Variants in USP45 observed in about 807,000 individuals in gnomAD.
The protein encoded by USP45 is ubiquitin specific peptidase 45.
A neutral mutation model predicts 95.8 loss-of-function variants in USP45; 89 were observed. The ratio of observed to expected loss-of-function variants is 0.93; its 90% CI spans 0.78 to 1.11. The LOEUF (loss-of-function observed/expected upper bound fraction) is 1.11, where lower values mean the gene tolerates loss of function less well. Among genes scored for constraint, USP45 ranks in the 50% least tolerant of loss-of-function variants. The pLI, the probability that USP45 is intolerant of heterozygous loss-of-function variation, is 0.00. For missense variants in USP45, 898 were observed against 942.5 expected (o/e 0.95, Z 0.62); for synonymous variants, 281 against 316.2 (o/e 0.89, Z 1.18).
Position 99,433,249 on chromosome 6 carries a change from TTTTA to T in USP45, c.*2463_*2466del, listed in dbSNP as rs1167536099. Reference sequence around the variant, plus strand: ...TTGGCACATAATCAATATTTTATCATTTTATATTTGGAAAAAAACGGGAAGCTGG... The same window carrying T: ...TTGGCACATAATCAATATTTTATCATTATTTGGAAAAAAACGGGAAGCTGG... On this transcript the variant is annotated 3_prime_UTR_variant, in exon 18 of 18. Transcript: ENST00000500704. 1 of 152,662 alleles carries T rather than the reference TTTTA, an allele frequency of 6.6e-6. No homozygotes were observed. The highest frequency in any genetic ancestry group is 2.4e-5 in the African/African-American group (1 of 41,450). The allele number at this position is 152,662 out of a possible 1,614,324, so 9.5% of individuals were successfully genotyped here.
chr6:99,497,774 TCTTA>T (rs2128762523), intron 5 of USP45, among the ~76,000 whole-genome samples: 1 of 152,258 alleles, frequency 6.6e-6, no homozygotes, highest in East Asian at 1.9e-4. Context: ...AAATATCTGT[TCTTA>T]CTTACCTCAA....
chr6:99,478,389 C>T (rs1332082530), intron 8 of USP45, among the ~76,000 whole-genome samples: 1 of 151,854 alleles, frequency 6.6e-6, no homozygotes, highest in Non-Finnish European at 1.5e-5. Flanking sequence ...AAATATTCAG[C>T]CTATTCAAAA....
chr6:99,490,676 A>G (rs1794975116), intron 5 of USP45, among the ~76,000 whole-genome samples: 1 of 152,150 alleles, frequency 6.6e-6, no homozygotes, highest in South Asian at 2.1e-4. Flanking sequence ...AAACACATAA[A>G]AATCTGCAAG....
At chr6:99,457,896 C>T (rs1785443717) in intron 13 of USP45, among the ~76,000 whole-genome samples, 1 of 152,192 alleles carries the variant, frequency 6.6e-6, no homozygotes, top group Non-Finnish European at 1.5e-5. Context: ...CTATCTATCC[C>T]TTTTATCCTC....
Position 99,476,151 on chromosome 6 carries a change from C to T in USP45, c.925G>A (p.Glu309Lys), listed in dbSNP as rs557037010. The T allele has an allele frequency of 2.5e-6, 4 of 1,613,682 alleles. No individual in the cohort carries two copies. In the South Asian group the frequency reaches 4.4e-5, roughly 18 times the overall value. Residue 309 changes from glutamate to lysine, a missense_variant, in exon 9 of 18, where the codon GAA (glutamate) becomes AAA (lysine). Transcript: ENST00000500704. ...ACATAAAGAAACCTGACCTTTGTTT[C>T]TTCTGTCCTCACTGCATCCAGAAGA... ...HYLLDAVRTE[E>K]TKRIQASILK... is the part of the protein sequence containing the mutation.
At chr6:99,444,590 C>T (rs1782129822) in intron 14 of USP45, among the ~76,000 whole-genome samples, 1 of 152,162 alleles carries the variant, frequency 6.6e-6, no homozygotes, top group Admixed American at 6.5e-5. Flanking sequence ...TGGGCTCTTA[C>T]ACTCTGGGAC....
chr6:99,486,511 C>A lies in USP45; in HGVS notation c.714+1689G>T, dbSNP rs72932524. Reference sequence around the variant, plus strand: ...TTTATTTAGAATAGGGCATTGGAATCTATCATTAAATTTTTAAGGGGCTGA... The same window carrying A: ...TTTATTTAGAATAGGGCATTGGAATATATCATTAAATTTTTAAGGGGCTGA... On this transcript the variant is annotated intron_variant, in intron 7 of 17. Coordinates refer to ENST00000500704, the MANE Select transcript of USP45 (RefSeq NM_001346022.3). Among the ~76,000 whole-genome samples, 804 of 151,962 alleles carry A rather than the reference C, an allele frequency of 5.3e-3. 6 individuals are homozygous for A. Among genetic ancestry groups the A allele is most frequent in the Middle Eastern group, 0.048 (14 of 292 alleles).
At chr6:99,488,347 A>AT (rs764120869) in intron 6 of USP45, 52 bp from the exon 7 acceptor site, 6 of 1,159,102 alleles carry the variant, frequency 5.2e-6, no homozygotes, top group Non-Finnish European at 7.4e-6. Flanking sequence ...TATGCCTCTG[A>AT]TTTTATGGAA....
At chr6:99,447,162 T>C (rs1431788575) in intron 13 of USP45, among the ~76,000 whole-genome samples, 2 of 152,042 alleles carry the variant, frequency 1.3e-5, no homozygotes, top group African/African-American at 4.8e-5. Context: ...TGGAAGAAAA[T>C]TACGGGAAAA....
rs1780264904 is a variant in USP45 at position 99,435,149 on chromosome 6, TA to T, written c.*566del. On this transcript the variant is annotated 3_prime_UTR_variant, in exon 18 of 18. Coordinates refer to ENST00000500704, the MANE Select transcript of USP45 (RefSeq NM_001346022.3). ...AAATGGTAGTACACATATATACCAC[TA>T]GATGGCCCTGAGATGATTTTAAGTT... 1.3e-5 allele frequency: 2 copies of T among 152,578 alleles called. No individual in the cohort carries two copies. Among genetic ancestry groups the T allele is most frequent in the South Asian group, 2.1e-4 (1 of 4,830 alleles). 9.5% of individuals were successfully genotyped at this position (152,578 alleles called of 1,614,324 possible). A position where few individuals can be genotyped will look rare whatever the true frequency, so the allele number is the denominator to read the frequency against.
At chr6:99,452,153 A>T (rs373855392) in intron 13 of USP45, among the ~76,000 whole-genome samples, 5 of 152,110 alleles carry the variant, frequency 3.3e-5, no homozygotes, top group Non-Finnish European at 5.9e-5. Flanking sequence ...CCAAAAGCAA[A>T]GGCAACAAAA....
intron 5 of USP45, among the ~76,000 whole-genome samples, chr6:99,499,345 G>A (rs1408384350): frequency 1.3e-5 from 2 of 151,972 alleles, no homozygotes; most frequent in Admixed American, 6.6e-5. Context: ...AATGTTTCAC[G>A]ATTACCATTT....
intron 9 of USP45, among the ~76,000 whole-genome samples, chr6:99,474,867 CAGA>C: frequency 6.6e-6 from 1 of 152,260 alleles, no homozygotes; most frequent in East Asian, 1.9e-4. Flanking sequence ...AAACCCCTCC[CAGA>C]AGAAGTTGAA....
At chr6:99,482,409 G>T (rs895956272) in intron 8 of USP45, 8 of 213,088 alleles carry the variant, frequency 3.8e-5, no homozygotes, top group Non-Finnish European at 6.4e-5. Flanking sequence ...GTTATCTTAC[G>T]GTACTTTCTA....
At chr6:99,442,106 G>C (rs953714458) in intron 15 of USP45, among the ~76,000 whole-genome samples, 2 of 152,230 alleles carry the variant, frequency 1.3e-5, no homozygotes, top group Non-Finnish European at 2.9e-5. Flanking sequence ...AAGGGACCTA[G>C]ATGGATGTCC....
chr6:99,451,922 A>G (rs577928048), intron 13 of USP45, among the ~76,000 whole-genome samples: 1 of 152,316 alleles, frequency 6.6e-6, no homozygotes, highest in East Asian at 1.9e-4. Flanking sequence ...AAAAACAAGC[A>G]ATGGGGAAAG....
chr6:99,445,999 C>A lies in USP45; in HGVS notation c.1773G>T (p.Glu591Asp). ...LNISNNLCFLEGKHLRSYSPQ... is the reference protein window; with the variant it reads ...LNISNNLCFLDGKHLRSYSPQ... ...GACTATAAGACCTCAAATGCTTCCC[C>A]TCTAAAAAACATAAATTATTTGAAA... The change falls in exon 14 of 18, where the codon GAG becomes GAT. Residue 591 changes from glutamate (E) to aspartate (D), a missense_variant. By Grantham distance (45) the Glu-to-Asp change is conservative. Transcript: ENST00000500704. The A allele has an allele frequency of 6.2e-7, 1 of 1,613,900 alleles. No individual in the cohort carries two copies. Among genetic ancestry groups the A allele is most frequent in the South Asian group, 1.1e-5 (1 of 91,044 alleles).
chr6:99,463,085 A>G (rs570071615), intron 13 of USP45, among the ~76,000 whole-genome samples: 27 of 152,322 alleles, frequency 1.8e-4, no homozygotes, highest in African/African-American at 6.0e-4. Flanking sequence ...TTGCTGAAGT[A>G]TAAGTTCAGA....
At chr6:99,448,619 A>T (rs1783080869) in intron 13 of USP45, among the ~76,000 whole-genome samples, 1 of 152,232 alleles carries the variant, frequency 6.6e-6, no homozygotes, top group Non-Finnish European at 1.5e-5. Context: ...ATTATCCAGG[A>T]GAACTTCCCC....
Sources: allele counts gnomAD v4.1 joint callset (sites outside exome capture counted in the v4.1 genomes callset), GRCh38; gene constraint gnomAD v4.1.1; transcripts MANE v1.5; gene names NCBI Gene and HGNC (gene_info 2026-07-23, HGNC 2026-07-21).